The following GDF5 variants were observed in gnomAD, a reference collection of about 807,000 sequenced individuals.
GDF5 encodes growth differentiation factor 5, also known as growth/differentiation factor 5.
In GDF5, 17 loss-of-function variants were observed where a neutral mutation model predicts 34.6. That is an observed-to-expected ratio of 0.49 (90% CI 0.34 to 0.74). GDF5 has a LOEUF of 0.74. Among genes scored for constraint, GDF5 ranks in the 30% least tolerant of loss-of-function variants. GDF5 has a pLI of 0.01. For missense variants in GDF5, 616 were observed against 661.2 expected, an observed-to-expected ratio of 0.93 and a Z score of 0.75; for synonymous variants, 332 against 290.7, an observed-to-expected ratio of 1.14 and a Z score of -1.44.
intron 1 of GDF5, among the ~76,000 whole-genome samples, chr20:35,436,458 C>T (rs373077029): frequency 6.6e-6 from 1 of 152,084 alleles, no homozygotes; most frequent in African/African-American, 2.4e-5. Flanking sequence ...AACAGCCCAC[C>T]TCCCTCTTCA....
intron 1 of GDF5, among the ~76,000 whole-genome samples, chr20:35,450,806 C>A (rs1267728916): frequency 2.6e-5 from 4 of 151,692 alleles, no homozygotes; most frequent in African/African-American, 9.7e-5. Flanking sequence ...ATATCCTGGT[C>A]ACGATACTCC....
chr20:35,451,048 A>ATATATATATATATAT (rs1403286330), intron 1 of GDF5, among the ~76,000 whole-genome samples: 18 of 4,614 alleles, frequency 3.9e-3, no homozygotes, highest in Non-Finnish European at 8.0e-3. Context: ...AACAGAAAAA[A>ATATATATATATATAT]AAAAAAAAAA....
chr20:35,444,499 G>A (rs773385597), intron 1 of GDF5, among the ~76,000 whole-genome samples: 1 of 152,148 alleles, frequency 6.6e-6, no homozygotes, highest in Non-Finnish European at 1.5e-5. Flanking sequence ...CAGAGTGAGC[G>A]AAGGGGGCAG....
chr20:35,451,053 A>ATATATATATATATATATATATATATAT (rs2062530101), intron 1 of GDF5, among the ~76,000 whole-genome samples: 1 of 6,362 alleles, frequency 1.6e-4, no homozygotes, highest in Non-Finnish European at 3.3e-4. Context: ...AAAAAAAAAA[A>ATATATATATATATATATATATATATAT]AAAAAAAAAA....
At chr20:35,447,885 C>T (rs1440875913) in intron 1 of GDF5, among the ~76,000 whole-genome samples, 5 of 151,742 alleles carry the variant, frequency 3.3e-5, no homozygotes, top group Admixed American at 6.6e-5. Context: ...GAGGCTGAGG[C>T]GGGAAAACTG....
At chr20:35,442,676 C>G (rs1048152202), upstream of GDF5, among the ~76,000 whole-genome samples, 2 of 151,270 alleles carry the variant, frequency 1.3e-5, no homozygotes, top group Admixed American at 1.3e-4. Context: ...TCCCAAGTAG[C>G]TGGGACTACC....
chr20:35,453,532 G>A (rs1354364180), intron 1 of GDF5, among the ~76,000 whole-genome samples: 3 of 152,104 alleles, frequency 2.0e-5, no homozygotes, highest in Non-Finnish European at 2.9e-5. Context: ...GCCTGTTGTG[G>A]GATTATTTCC....
chr20:35,445,668 A>G (rs1337849207), intron 1 of GDF5, among the ~76,000 whole-genome samples: 2 of 149,612 alleles, frequency 1.3e-5, no homozygotes, highest in African/African-American at 5.0e-5. Flanking sequence ...CATCTCAAAA[A>G]ACAAAAAAAT....
chr20:35,453,222 C>T (rs917943718), intron 1 of GDF5, among the ~76,000 whole-genome samples: 9 of 152,132 alleles, frequency 5.9e-5, no homozygotes, highest in Non-Finnish European at 1.0e-4. Flanking sequence ...TGCACTCCAG[C>T]CTGGGCGACA....
At chr20:35,438,824 C>CGTGCGTGTGTGT (rs1555823679), upstream of GDF5, among the ~76,000 whole-genome samples, 135 of 126,490 alleles carry the variant, frequency 1.1e-3, 1 homozygote, top group Non-Finnish European at 1.9e-3. Flanking sequence ...ATTTGTTATG[C>CGTGCGTGTGTGT]GTGTGTGTGT....
At chr20:35,440,061 T>G (rs2062492974), upstream of GDF5, among the ~76,000 whole-genome samples, 1 of 150,762 alleles carries the variant, frequency 6.6e-6, no homozygotes, top group Non-Finnish European at 1.5e-5. Flanking sequence ...GGACTACAGG[T>G]GCACACCACC....
At chr20:35,440,051 G>T (rs1362933407), upstream of GDF5, among the ~76,000 whole-genome samples, 6 of 149,944 alleles carry the variant, frequency 4.0e-5, no homozygotes, top group African/African-American at 1.5e-4. Flanking sequence ...CGAGTAGCTG[G>T]GACTACAGGT....
At chr20:35,439,032 C>G, upstream of GDF5, among the ~76,000 whole-genome samples, 1 of 151,932 alleles carries the variant, frequency 6.6e-6, no homozygotes, top group East Asian at 1.9e-4. Context: ...TCCCTACCCC[C>G]AAATGCCATT....
intron 1 of GDF5, among the ~76,000 whole-genome samples, chr20:35,446,268 C>A (rs1402396594): frequency 6.6e-6 from 1 of 151,876 alleles, no homozygotes; most frequent in Admixed American, 6.6e-5. Context: ...TGAGATCCAG[C>A]CATTGCACTC....
At chr20:35,448,531 C>T (rs2062521349) in intron 1 of GDF5, among the ~76,000 whole-genome samples, 1 of 138,486 alleles carries the variant, frequency 7.2e-6, no homozygotes, top group Admixed American at 7.9e-5. Context: ...GTAACCTCCT[C>T]CTCACAGGTT....
At chr20:35,437,045 T>C (rs1053968501) in intron 1 of GDF5, among the ~76,000 whole-genome samples, 3 of 152,182 alleles carry the variant, frequency 2.0e-5, no homozygotes, top group Non-Finnish European at 2.9e-5. Context: ...TCTTGTCTCT[T>C]CTCTAGGCTT....
rs746204242 is a variant in GDF5 at position 35,433,947 on chromosome 20, A to G, written c.1468T>C (p.Tyr490His). The change falls in exon 2 of 2, where the codon TAT becomes CAT. Residue 490 changes from tyrosine to histidine, a missense_variant. Transcript: ENST00000374369. ...CACGACTCCACGACCATGTCCTCAT[A>G]CTGCTTATACACCACGTTGTTGGCA... is the stretch of plus-strand genomic sequence containing the variant. ...DSANNVVYKQYEDMVVESCGC... is the reference protein window; with the variant it reads ...DSANNVVYKQHEDMVVESCGC... The G allele has an allele frequency of 4.3e-6, 7 of 1,613,856 alleles. No individual in the cohort carries two copies. Among genetic ancestry groups the G allele is most frequent in the Admixed American group, 1.7e-5 (1 of 60,000 alleles).
Position 35,434,127 on chromosome 20 carries a change from C to G in GDF5, c.1288G>C (p.Glu430Gln). The change falls in exon 2 of 2, where the codon GAG (glutamate) becomes CAG (glutamine). Residue 430 changes from glutamate to glutamine, a missense_variant. Glu to Gln is a conservative substitution (Grantham distance 29, BLOSUM62 2). Transcript: ENST00000374369. ...APLEYEAFHC[E>Q]GLCEFPLRSH... ...CGCAATGGGAACTCGCACAGCCCCT[C>G]GCAGTGGAAAGCCTCGTACTCAAGG... 1.2e-6 allele frequency: 2 copies of G among 1,614,140 alleles called. No individual in the cohort carries two copies. Among genetic ancestry groups the G allele is most frequent in the South Asian group, 2.2e-5 (2 of 91,078 alleles).
chr20:35,453,111 G>A (rs538016002), intron 1 of GDF5, among the ~76,000 whole-genome samples: 1 of 152,144 alleles, frequency 6.6e-6, no homozygotes, highest in Non-Finnish European at 1.5e-5. Context: ...TTAGCCGGGC[G>A]TGGTGGCGGG....
Sources: gnomAD v4.1 joint callset for allele counts (sites outside exome capture counted in the v4.1 genomes callset) on GRCh38, gnomAD v4.1.1 for gene constraint, MANE v1.5 for transcripts, NCBI Gene and HGNC (gene_info 2026-07-23, HGNC 2026-07-21) for gene names.